The following DGKD variants were observed in gnomAD, a reference collection of about 807,000 sequenced individuals.
The protein encoded by DGKD is diacylglycerol kinase delta.
DGKD carries 68 observed loss-of-function variants against 154.4 expected under a neutral mutation model. The ratio of observed to expected loss-of-function variants is 0.44; its 90% CI spans 0.36 to 0.54. The LOEUF (loss-of-function observed/expected upper bound fraction) is 0.54, where lower values mean the gene tolerates loss of function less well. Among genes scored for constraint, DGKD ranks in the 20% least tolerant of loss-of-function variants. The pLI, the probability that DGKD is intolerant of heterozygous loss-of-function variation, is 0.00. For synonymous variants in DGKD, 693 were observed against 638.0 expected (o/e 1.09, Z -1.30); for missense variants, 1,343 against 1,593.6 (o/e 0.84, Z 2.68).
intron 3 of DGKD, among the ~76,000 whole-genome samples, chr2:233,421,778 T>C (rs1301884161): frequency 6.6e-6 from 1 of 152,256 alleles, no homozygotes; most frequent in African/African-American, 2.4e-5. Context: ...CTCCATGCTG[T>C]GTAATTCACT....
In DGKD at chr2:233,458,281, C is replaced by A; in HGVS notation, c.2581-3C>A. ...GTGGTCAGCTCTAACGTGTCCCTTG[C>A]AGACTTTCGCAGCTCCATCATTCGA... On this transcript the variant is annotated splice_region_variant and splice_polypyrimidine_tract_variant and intron_variant, in intron 21 of 29. Coordinates refer to ENST00000264057, the MANE Select transcript of DGKD (RefSeq NM_152879.3). The surrounding 1 kb of genome is among the most constrained non-coding windows in gnomAD (Gnocchi z 6.6). The A allele has an allele frequency of 6.2e-7, 1 of 1,608,214 alleles. No homozygotes were observed. Among genetic ancestry groups the A allele is most frequent in the Non-Finnish European group, 8.5e-7 (1 of 1,175,888 alleles).
intron 24 of DGKD, among the ~76,000 whole-genome samples, chr2:233,461,830 A>G (rs574921745): frequency 4.6e-5 from 7 of 152,324 alleles, no homozygotes; most frequent in Non-Finnish European, 8.8e-5. Flanking sequence ...GCCACATCTC[A>G]GCCTCCCTGG....
chr2:233,406,417 G>A (rs1312764928), intron 3 of DGKD, among the ~76,000 whole-genome samples: 1 of 152,202 alleles, frequency 6.6e-6, no homozygotes, highest in Non-Finnish European at 1.5e-5. Context: ...TCACACCAAA[G>A]AAAGTAGTCC....
Position 233,434,701 on chromosome 2 carries a change from C to T in DGKD, c.454-68C>T, listed in dbSNP as rs999856990. 207 of 1,573,530 alleles carry T rather than the reference C, an allele frequency of 1.3e-4. 2 individuals are homozygous for T. In the East Asian group the frequency reaches 4.5e-3, roughly 34 times the overall value. Reference sequence around the variant, plus strand: ...TCTTGGATACTTTGTTTAATCTTGTCCAAGTTACTGCATTTAACAATTTAA... The same window carrying T: ...TCTTGGATACTTTGTTTAATCTTGTTCAAGTTACTGCATTTAACAATTTAA... On this transcript the variant is annotated intron_variant, in intron 4 of 29. Coordinates refer to ENST00000264057, the MANE Select transcript of DGKD (RefSeq NM_152879.3).
At chr2:233,370,906 C>T (rs899318108) in intron 1 of DGKD, among the ~76,000 whole-genome samples, 2 of 152,028 alleles carry the variant, frequency 1.3e-5, no homozygotes, top group Non-Finnish European at 2.9e-5. Flanking sequence ...TGTGTGCCAC[C>T]ATGCCTGGCT....
rs1205628479 is a variant in DGKD at position 233,458,950 on chromosome 2, C to G, written c.2694+553C>G. The stretch of plus-strand genomic sequence containing the variant: ...TGAACCACAGCCTTGCCTGTCCCCT[C>G]TGAGGTGGGATGAGATAGAGCAGAC... On this transcript the variant is annotated intron_variant, in intron 22 of 29. Transcript: ENST00000264057. The surrounding 1 kb of genome is among the most constrained non-coding windows in gnomAD (Gnocchi z 6.6). Among the ~76,000 whole-genome samples, 2 of 152,204 alleles carry G rather than the reference C, an allele frequency of 1.3e-5. No homozygotes were observed. Among genetic ancestry groups the G allele is most frequent in the Non-Finnish European group, 2.9e-5 (2 of 68,048 alleles).
rs546002969 is a variant in DGKD at position 233,393,030 on chromosome 2, T to G, written c.348+2547T>G. On this transcript the variant is annotated intron_variant, in intron 3 of 29. Coordinates refer to ENST00000264057, the MANE Select transcript of DGKD (RefSeq NM_152879.3). ...CTCCTTTTCTGTTTCCTTTTTTATT[T>G]TTTTGAGACGGAATCTTGCTCTGTT... Among the ~76,000 whole-genome samples, 14 of 152,352 alleles carry G rather than the reference T, an allele frequency of 9.2e-5. No individual in the cohort carries two copies. The South Asian group carries it at 2.7e-3, about 29-fold the overall frequency.
At position 233,462,413 on chromosome 2, in the gene DGKD, G is replaced by A; in HGVS notation, c.3047G>A (p.Ser1016Asn). 6.2e-7 allele frequency: 1 copy of A among 1,603,918 alleles called. No individual in the cohort carries two copies. The highest frequency in any genetic ancestry group is 8.5e-7 in the Non-Finnish European group (1 of 1,171,922). ...GAACTGGCCCACGCCGTCAATGCCA[G>A]CTCCAAGTCCATGGACCGTGTGTAT... ...EQELAHAVNA[S>N]SKSMDRVYGK... The change falls in exon 25 of 30, where the codon AGC (serine) becomes AAC (asparagine). Residue 1016 changes from serine (S) to asparagine (N), a missense_variant. Transcript: ENST00000264057.
At position 233,457,244 on chromosome 2, in the gene DGKD, C is replaced by T; in HGVS notation, c.2496C>T (p.Leu832=). 1.3e-6 allele frequency: 2 copies of T among 1,520,946 alleles called. No individual in the cohort carries two copies. The highest frequency in any genetic ancestry group is 1.8e-6 in the Non-Finnish European group (2 of 1,135,296). 94.2% of individuals were successfully genotyped at this position (1,520,946 alleles called of 1,614,324 possible). A position where few individuals can be genotyped will look rare whatever the true frequency, so the allele number is the denominator to read the frequency against. The change falls in exon 21 of 30, where the codon CTC becomes CTT. Residue 832 remains leucine (L), a synonymous_variant. Transcript: ENST00000264057. The surrounding 1 kb of genome is among the most constrained non-coding windows in gnomAD (Gnocchi z 5.5). ...AGTGTGACGGGCGACCCATCCCACT[C>T]CCCAGTCTTCAGGGAATTGCTGTCC... ...LLECDGRPIP[L]PSLQGIAVLN...
intron 3 of DGKD, among the ~76,000 whole-genome samples, chr2:233,428,438 G>A (rs556543010): frequency 2.0e-5 from 3 of 152,272 alleles, no homozygotes; most frequent in Admixed American, 1.3e-4. Context: ...CATGGGAAAG[G>A]GGTCTCAGCA....
chr2:233,412,136 A>G (rs756806593), intron 3 of DGKD, among the ~76,000 whole-genome samples: 7 of 152,198 alleles, frequency 4.6e-5, no homozygotes, highest in Non-Finnish European at 5.9e-5. Context: ...GTCAATTTCT[A>G]TAAGTGAGGC....
At chr2:233,466,506 A>G (rs568287197) in intron 27 of DGKD, among the ~76,000 whole-genome samples, 3 of 152,162 alleles carry the variant, frequency 2.0e-5, no homozygotes, top group South Asian at 2.1e-4. Flanking sequence ...AGTGCATCAC[A>G]GAGTGAGGCA....
At chr2:233,368,411 C>T (rs985694505) in intron 1 of DGKD, among the ~76,000 whole-genome samples, 2 of 152,076 alleles carry the variant, frequency 1.3e-5, no homozygotes, top group African/African-American at 4.8e-5. Flanking sequence ...ACTCCAGAGG[C>T]CGAGGCAGGA....
chr2:233,366,068 T>C (rs1339925117), intron 1 of DGKD, among the ~76,000 whole-genome samples: 1 of 151,930 alleles, frequency 6.6e-6, no homozygotes, highest in Non-Finnish European at 1.5e-5. Context: ...AGAGGGAGCT[T>C]GGGGAAATCT....
intron 1 of DGKD, among the ~76,000 whole-genome samples, chr2:233,368,243 T>A (rs1436214522): frequency 6.6e-6 from 1 of 152,090 alleles, no homozygotes; most frequent in Non-Finnish European, 1.5e-5. Context: ...GCGCGGTGGC[T>A]CATGCCTGTA....
chr2:233,366,620 A>C (rs536790108), intron 1 of DGKD, among the ~76,000 whole-genome samples: 10 of 152,286 alleles, frequency 6.6e-5, no homozygotes. Context: ...TAGATTCAGC[A>C]GTTAGGTGGC....
chr2:233,396,449 C>CCGAAGTTTCAAT (rs71058552), intron 3 of DGKD, among the ~76,000 whole-genome samples: 2 of 151,748 alleles, frequency 1.3e-5, no homozygotes, highest in African/African-American at 4.8e-5. Flanking sequence ...ATGCTGAGTG[C>CCGAAGTTTCAAT]GGTGGGTAGA....
chr2:233,421,363 A>G (rs1468942651), intron 3 of DGKD, among the ~76,000 whole-genome samples: 3 of 151,990 alleles, frequency 2.0e-5, no homozygotes, highest in Non-Finnish European at 2.9e-5. Flanking sequence ...TCTCCTCACC[A>G]TCATCTCGTG....
intron 2 of DGKD, chr2:233,388,740 C>CTTTTTTTTTTTTTTTTTTTT (rs57415272): frequency 1.4e-5 from 1 of 69,280 alleles, no homozygotes; most frequent in Non-Finnish European, 2.6e-5. Context: ...TATTGAAGTT[C>CTTTTTTTTTTTTTTTTTTTT]TTTTTTTTTT....
Sources: gnomAD v4.1 joint callset for allele counts (sites outside exome capture counted in the v4.1 genomes callset) on GRCh38, gnomAD v4.1.1 for gene constraint, Gnocchi (gnomAD v3.1) non-coding constraint, MANE v1.5 for transcripts, NCBI Gene and HGNC (gene_info 2026-07-23, HGNC 2026-07-21) for gene names.